DERL1: variants seen among roughly 807,000 people sequenced by gnomAD.
DERL1 encodes the protein derlin-1.
Under a neutral mutation model 41.6 loss-of-function variants are expected in DERL1, and 24 were observed. That is an observed-to-expected ratio of 0.58 (90% CI 0.42 to 0.81). The LOEUF (loss-of-function observed/expected upper bound fraction) is 0.81, where lower values mean the gene tolerates loss of function less well. DERL1 is among the 30% of genes least tolerant of loss of function. The probability of loss-of-function intolerance (pLI) is 0.00; values close to 1 mark genes in which losing one functional copy is unlikely to be tolerated. For missense variants in DERL1, 260 were observed against 314.3 expected (o/e 0.83, Z 1.31); for synonymous variants, 124 against 112.5 (o/e 1.10, Z -0.65).
Position 123,042,294 on chromosome 8 carries a change from C to G in DERL1, c.-172G>C. The G allele has an allele frequency of 1.1e-6, 1 of 909,960 alleles. No homozygotes were observed. Among genetic ancestry groups the G allele is most frequent in the South Asian group, 1.9e-5 (1 of 51,890 alleles). 56.4% of individuals were successfully genotyped at this position (909,960 alleles called of 1,614,324 possible). A position where few individuals can be genotyped will look rare whatever the true frequency, so the allele number is the denominator to read the frequency against. ...CGCCACCGAATTCGGACCAGCGAGG[C>G]AGCCTTCTGAGGCGAAACTTCCCCT... On this transcript the variant is annotated 5_prime_UTR_variant, in exon 1 of 8. Coordinates refer to ENST00000259512, the MANE Select transcript of DERL1 (RefSeq NM_024295.6).
chr8:123,042,237 G>T lies in DERL1; in HGVS notation c.-115C>A. 1.5e-6 allele frequency: 2 copies of T among 1,337,764 alleles called. No individual in the cohort carries two copies. Among genetic ancestry groups the T allele is most frequent in the Non-Finnish European group, 2.0e-6 (2 of 1,023,140 alleles). 82.9% of individuals were successfully genotyped at this position (1,337,764 alleles called of 1,614,324 possible). ...TGTCTAGGTGGAAGCCGCCGAAGCC[G>T]CGATGCAGAAGGCGGAGACGGGCGG... On this transcript the variant is annotated 5_prime_UTR_variant, in exon 1 of 8. Coordinates refer to ENST00000259512, the MANE Select transcript of DERL1 (RefSeq NM_024295.6).
intron 6 of DERL1, among the ~76,000 whole-genome samples, chr8:123,020,793 T>A (rs901143460): frequency 1.9e-3 from 183 of 93,942 alleles, no homozygotes; most frequent in South Asian, 2.9e-3. Context: ...CTACTAAAAA[T>A]CCCAAAAAAA....
In DERL1 at chr8:123,026,043, C is replaced by G. The variant is rs547804814; in HGVS notation, c.266-993G>C. On this transcript the variant is annotated intron_variant, in intron 2 of 7. Transcript: ENST00000259512. ...TCTAGCTTGAAAGTTACTTTCCCTC[C>G]CCGTTCCACACCCCCTCACAGTTAC... 2.6e-5 allele frequency among the ~76,000 whole-genome samples: 4 copies of G among 152,116 alleles called. No homozygotes were observed. The East Asian group carries it at 7.7e-4, about 29-fold the overall frequency.
chr8:123,021,619 G>C, intron 5 of DERL1, 120 bp from the exon 6 acceptor site: 1 of 862,480 alleles, frequency 1.2e-6, no homozygotes, highest in Non-Finnish European at 1.9e-6. Flanking sequence ...CCTCTGGAAG[G>C]TCACTGCAAA....
intron 7 of DERL1, chr8:123,017,409 TA>T (rs1226491881): frequency 6.6e-6 from 1 of 152,180 alleles, no homozygotes; most frequent in Admixed American, 6.5e-5. Context: ...GAGAAAATGC[TA>T]GGGCTGTCTT....
At chr8:123,033,398 C>A (rs1448112845) in intron 1 of DERL1, among the ~76,000 whole-genome samples, 5 of 152,162 alleles carry the variant, frequency 3.3e-5, no homozygotes, top group Admixed American at 6.5e-5. Context: ...TCTCTTTCTA[C>A]CTTTTTATAC....
In DERL1 at chr8:123,042,252, G is replaced by A. The variant is rs1014985374; in HGVS notation, c.-130C>T. ...CGCCGAAGCCGCGATGCAGAAGGCG[G>A]AGACGGGCGGACGTGGCGCCACCGA... On this transcript the variant is annotated 5_prime_UTR_variant, in exon 1 of 8. Transcript: ENST00000259512. The A allele has an allele frequency of 5.6e-6, 7 of 1,242,426 alleles. No homozygotes were observed. In the Admixed American group the frequency reaches 1.7e-4, roughly 30 times the overall value. 77.0% of individuals were successfully genotyped at this position (1,242,426 alleles called of 1,614,324 possible).
chr8:123,041,438 AC>A (rs2130502376), intron 1 of DERL1, among the ~76,000 whole-genome samples: 1 of 152,244 alleles, frequency 6.6e-6, no homozygotes, highest in South Asian at 2.1e-4. Flanking sequence ...TACGTGGGGG[AC>A]ACTAAATTAG....
At chr8:123,040,863 G>A (rs1398980878) in intron 1 of DERL1, among the ~76,000 whole-genome samples, 2 of 152,160 alleles carry the variant, frequency 1.3e-5, no homozygotes, top group Non-Finnish European at 2.9e-5. Context: ...GGGGGAAAGG[G>A]GATTCAGTTT....
chr8:123,041,560 C>T (rs1466750739), intron 1 of DERL1, among the ~76,000 whole-genome samples: 1 of 152,216 alleles, frequency 6.6e-6, no homozygotes, highest in African/African-American at 2.4e-5. Context: ...AGGAACTCAG[C>T]TATAAGTTGG....
At chr8:123,035,089 G>C (rs777497441) in intron 1 of DERL1, among the ~76,000 whole-genome samples, 1 of 152,118 alleles carries the variant, frequency 6.6e-6, no homozygotes, top group Non-Finnish European at 1.5e-5. Context: ...CTCAAGGCCT[G>C]GTTTTGGAAA....
chr8:123,032,135 ATTT>A (rs33993122), intron 1 of DERL1, among the ~76,000 whole-genome samples: 1 of 149,672 alleles, frequency 6.7e-6, no homozygotes, highest in African/African-American at 2.5e-5. Flanking sequence ...CTGGATTTAC[ATTT>A]TTTTTTTCCC....
intron 2 of DERL1, among the ~76,000 whole-genome samples, chr8:123,028,035 G>A (rs563128341): frequency 5.6e-5 from 8 of 142,148 alleles, no homozygotes; most frequent in South Asian, 2.2e-4. Flanking sequence ...GCACTCCCCC[G>A]ACTGGGTGAC....
chr8:123,039,573 A>C (rs540870337), intron 1 of DERL1, among the ~76,000 whole-genome samples: 2 of 152,316 alleles, frequency 1.3e-5, no homozygotes, highest in East Asian at 3.9e-4. Flanking sequence ...CTCCAGAGCC[A>C]GATCTACCCA....
chr8:123,019,155 G>A (rs1171649477), intron 7 of DERL1, 40 bp downstream of exon 7: 1 of 1,347,468 alleles, frequency 7.4e-7, no homozygotes, highest in Non-Finnish European at 1.1e-6. Context: ...TAAGAACACA[G>A]GCAGTAAAAT....
intron 4 of DERL1, among the ~76,000 whole-genome samples, chr8:123,023,031 CA>C (rs1304821031): frequency 6.6e-6 from 1 of 152,106 alleles, no homozygotes; most frequent in Non-Finnish European, 1.5e-5. Flanking sequence ...CTGTTATTTA[CA>C]AAAAGTAAGC....
intron 1 of DERL1, 121 bp downstream of exon 1, chr8:123,041,849 G>T: frequency 7.3e-7 from 1 of 1,362,304 alleles, no homozygotes. Context: ...TAAACCGCCG[G>T]CGCCGGACCC....
At chr8:123,034,073 T>C (rs1260190152) in intron 1 of DERL1, among the ~76,000 whole-genome samples, 1 of 152,134 alleles carries the variant, frequency 6.6e-6, no homozygotes, top group Non-Finnish European at 1.5e-5. Flanking sequence ...GTGGACTTGT[T>C]ACAAAGGCCC....
chr8:123,022,569 T>C (rs1023788481), intron 5 of DERL1, 115 bp downstream of exon 5: 4 of 947,874 alleles, frequency 4.2e-6, no homozygotes, highest in Non-Finnish European at 6.7e-6. Context: ...GGCTTGCCTA[T>C]GGTACACTGC....
Sources: gnomAD v4.1 joint callset for allele counts (sites outside exome capture counted in the v4.1 genomes callset) on GRCh38, gnomAD v4.1.1 for gene constraint, MANE v1.5 for transcripts, NCBI Gene and HGNC (gene_info 2026-07-23, HGNC 2026-07-21) for gene names.